The following PTPRG variants were observed in gnomAD, a reference collection of about 807,000 sequenced individuals.
PTPRG encodes the protein receptor-type tyrosine-protein phosphatase gamma.
Under a neutral mutation model 165.3 loss-of-function variants are expected in PTPRG, and 102 were observed. The observed-to-expected ratio is 0.62, with a 90% confidence interval of 0.53 to 0.73. The LOEUF (loss-of-function observed/expected upper bound fraction) is 0.73, where lower values mean the gene tolerates loss of function less well. Among genes scored for constraint, PTPRG ranks in the 30% least tolerant of loss-of-function variants. PTPRG has a pLI of 0.00. For missense variants in PTPRG, 1,866 were observed against 1,861.4 expected, an observed-to-expected ratio of 1.00 and a Z score of -0.05; for synonymous variants, 675 against 669.5, an observed-to-expected ratio of 1.01 and a Z score of -0.13.
intron 1 of PTPRG, among the ~76,000 whole-genome samples, chr3:61,595,652 G>C (rs571001626): frequency 6.6e-6 from 1 of 152,300 alleles, no homozygotes; most frequent in East Asian, 1.9e-4. Flanking sequence ...TTATATACTT[G>C]ACACAGCATC....
intron 2 of PTPRG, among the ~76,000 whole-genome samples, chr3:61,793,194 T>G (rs1055878676): frequency 4.6e-5 from 7 of 152,238 alleles, no homozygotes; most frequent in Non-Finnish European, 8.8e-5. Context: ...AGTTCTACTA[T>G]GGCTGTCTGT....
At chr3:62,117,538 C>T (rs1702910038) in intron 5 of PTPRG, among the ~76,000 whole-genome samples, 1 of 152,040 alleles carries the variant, frequency 6.6e-6, no homozygotes, top group Non-Finnish European at 1.5e-5. Context: ...TGCCATAAAA[C>T]TTGTGCAGTT....
intron 4 of PTPRG, among the ~76,000 whole-genome samples, chr3:62,041,748 T>C (rs2107803642): frequency 6.6e-6 from 1 of 152,082 alleles, no homozygotes; most frequent in African/African-American, 2.4e-5. Flanking sequence ...GTAATGATCA[T>C]TGTGATGGTG....
At chr3:61,952,181 T>G (rs2039916487) in intron 2 of PTPRG, among the ~76,000 whole-genome samples, 1 of 148,948 alleles carries the variant, frequency 6.7e-6, no homozygotes, top group Non-Finnish European at 1.5e-5. Context: ...ACCTCATATG[T>G]GGAGGCAGTG....
chr3:62,267,697 G>C lies in PTPRG; in HGVS notation c.2752G>C (p.Ala918Pro). ...NANYVDGYNK[A>P]KAYIATQGPL... ...TGTCATTTTGAAGGGTTACAACAAA[G>C]CAAAAGCCTACATTGCCACCCAAGG... is the stretch of plus-strand genomic sequence containing the variant. The change falls in exon 19 of 30, where the codon GCA becomes CCA. Residue 918 changes from alanine to proline, a missense_variant. Ala to Pro is a conservative substitution (Grantham distance 27). Coordinates refer to ENST00000474889, the MANE Select transcript of PTPRG (RefSeq NM_002841.4). The C allele has an allele frequency of 1.2e-6, 2 of 1,612,966 alleles. No homozygotes were observed. Among genetic ancestry groups the C allele is most frequent in the Middle Eastern group, 1.7e-4 (1 of 6,052 alleles).
intron 2 of PTPRG, among the ~76,000 whole-genome samples, chr3:61,898,085 T>C (rs933358733): frequency 1.3e-5 from 2 of 152,238 alleles, no homozygotes; most frequent in Non-Finnish European, 2.9e-5. Flanking sequence ...TTCAGTGCTG[T>C]GTTGAATACG....
chr3:61,850,439 G>A (rs1247270928), intron 2 of PTPRG, among the ~76,000 whole-genome samples: 1 of 152,194 alleles, frequency 6.6e-6, no homozygotes, highest in African/African-American at 2.4e-5. Flanking sequence ...GGGATTACAG[G>A]CGTGAGCCGC....
At chr3:61,844,500 T>A (rs1333419429) in intron 2 of PTPRG, among the ~76,000 whole-genome samples, 1 of 152,128 alleles carries the variant, frequency 6.6e-6, no homozygotes, top group Non-Finnish European at 1.5e-5. Flanking sequence ...CATCTGTTTT[T>A]GTTGTTGTTG....
At chr3:62,209,721 G>C (rs1479780170) in intron 12 of PTPRG, among the ~76,000 whole-genome samples, 1 of 152,172 alleles carries the variant, frequency 6.6e-6, no homozygotes, top group Non-Finnish European at 1.5e-5. Flanking sequence ...GGGTTATTCA[G>C]CTGCCAGTAT....
At chr3:61,727,943 T>A (rs1309010603) in intron 1 of PTPRG, among the ~76,000 whole-genome samples, 1 of 152,246 alleles carries the variant, frequency 6.6e-6, no homozygotes, top group Non-Finnish European at 1.5e-5. Flanking sequence ...CTGGTCTACC[T>A]GTTTGTGAGG....
intron 6 of PTPRG, among the ~76,000 whole-genome samples, chr3:62,137,850 A>T (rs1410425377): frequency 1.3e-5 from 2 of 152,176 alleles, no homozygotes; most frequent in Non-Finnish European, 2.9e-5. Flanking sequence ...TTTTAAAAAA[A>T]TTTTTGCTCA....
At chr3:62,226,193 C>G (rs761375290) in intron 13 of PTPRG, among the ~76,000 whole-genome samples, 7 of 152,166 alleles carry the variant, frequency 4.6e-5, no homozygotes, top group Admixed American at 2.0e-4. Context: ...TTAGCCAATA[C>G]GTTATCTTGT....
At chr3:62,118,025 G>A (rs980240144) in intron 5 of PTPRG, among the ~76,000 whole-genome samples, 8 of 152,072 alleles carry the variant, frequency 5.3e-5, no homozygotes, top group Non-Finnish European at 1.2e-4. Context: ...TATTTTATGT[G>A]GATTATCTCA....
rs551436407 is a variant in PTPRG at position 62,191,162 on chromosome 3, G to A, written c.1034-307G>A. 1.1e-4 allele frequency among the ~76,000 whole-genome samples: 16 copies of A among 151,842 alleles called. No individual in the cohort carries two copies. In the South Asian group the frequency reaches 2.1e-3, roughly 20 times the overall value. On this transcript the variant is annotated intron_variant, in intron 8 of 29. Coordinates refer to ENST00000474889, the MANE Select transcript of PTPRG (RefSeq NM_002841.4). ...CTGTGTCCCGTGCACGTGTGTGTGCGCATGTGCCTCTGTGCCCCGTGCACA... is the reference window on the plus strand; with the variant it reads ...CTGTGTCCCGTGCACGTGTGTGTGCACATGTGCCTCTGTGCCCCGTGCACA...
chr3:61,748,467 G>C (rs1575630675), intron 1 of PTPRG, among the ~76,000 whole-genome samples: 1 of 152,290 alleles, frequency 6.6e-6, no homozygotes, highest in East Asian at 1.9e-4. Context: ...CATGCAGTTG[G>C]AACCGAAGTC....
At chr3:61,760,446 C>G (rs2033797668) in intron 2 of PTPRG, among the ~76,000 whole-genome samples, 1 of 152,144 alleles carries the variant, frequency 6.6e-6, no homozygotes, top group Non-Finnish European at 1.5e-5. Context: ...TAAACCCACT[C>G]TGTACCATCT....
chr3:61,660,385 ACTT>A (rs1354663752), intron 1 of PTPRG, among the ~76,000 whole-genome samples: 2 of 152,140 alleles, frequency 1.3e-5, no homozygotes, highest in Non-Finnish European at 2.9e-5. Context: ...GTGTGGTTAA[ACTT>A]CTTTTTTTGA....
At chr3:61,727,348 GT>G (rs2032310840) in intron 1 of PTPRG, among the ~76,000 whole-genome samples, 1 of 151,962 alleles carries the variant, frequency 6.6e-6, no homozygotes, top group African/African-American at 2.4e-5. Flanking sequence ...TAGAAACAGG[GT>G]TTTGGACGGT....
intron 1 of PTPRG, among the ~76,000 whole-genome samples, chr3:61,691,323 C>T (rs1018922109): frequency 6.6e-6 from 1 of 152,160 alleles, no homozygotes; most frequent in African/African-American, 2.4e-5. Context: ...AAGAGGATCG[C>T]TTAAGCCCAG....
Sources: gnomAD v4.1 joint callset for allele counts (sites outside exome capture counted in the v4.1 genomes callset) on GRCh38, gnomAD v4.1.1 for gene constraint, MANE v1.5 for transcripts, NCBI Gene and HGNC (gene_info 2026-07-23, HGNC 2026-07-21) for gene names.